TCTN1: variants seen among roughly 807,000 people sequenced by gnomAD.
TCTN1 encodes the protein tectonic family member 1.
Under a neutral mutation model 65.8 loss-of-function variants are expected in TCTN1, and 58 were observed. The ratio of observed to expected loss-of-function variants is 0.88; its 90% CI spans 0.71 to 1.10. The LOEUF is 1.10. Ranked by LOEUF, TCTN1 falls within the 50% of genes least tolerant of loss-of-function variation. The pLI is 0.00. For missense variants in TCTN1, 645 were observed against 719.4 expected (o/e 0.90, Z 1.18); for synonymous variants, 273 against 289.1 (o/e 0.94, Z 0.57).
intron 1 of TCTN1, chr12:110,616,260 T>A (rs1315486944): frequency 2.2e-5 from 10 of 452,146 alleles, no homozygotes; most frequent in Middle Eastern, 6.8e-4. Flanking sequence ...CTTTATTTTT[T>A]TTTTTTTTGG....
chr12:110,630,274 GTTTA>G (rs1186217919), intron 4 of TCTN1: 5 of 152,194 alleles, frequency 3.3e-5, no homozygotes, highest in Admixed American at 2.6e-4. Context: ...ATTTAAGGTT[GTTTA>G]TTCTGTGATA....
At chr12:110,620,251 CA>C (rs112490115) in intron 2 of TCTN1, among the ~76,000 whole-genome samples, 10 of 151,892 alleles carry the variant, frequency 6.6e-5, no homozygotes, top group African/African-American at 2.4e-4. Context: ...ACTAAAAATC[CA>C]AAAAAATTAG....
At chr12:110,636,418 A>C (rs1411947370) in intron 6 of TCTN1, 63 bp from the exon 7 acceptor site, 1 of 1,119,880 alleles carries the variant, frequency 8.9e-7, no homozygotes, top group South Asian at 1.2e-5. Context: ...GATCTGAAAA[A>C]GCAATGAAAA....
chr12:110,626,164 C>T (rs1020731201), intron 2 of TCTN1, among the ~76,000 whole-genome samples, 198 bp from the exon 3 acceptor site: 1 of 151,682 alleles, frequency 6.6e-6, no homozygotes, highest in Non-Finnish European at 1.5e-5. Context: ...TCTTGGCTCA[C>T]TGCCAGCTCT....
At chr12:110,642,632 G>T (rs958112918) in intron 11 of TCTN1, among the ~76,000 whole-genome samples, 3 of 152,112 alleles carry the variant, frequency 2.0e-5, no homozygotes, top group Admixed American at 1.3e-4. Context: ...ATGGGGTCTC[G>T]CTCTGTCTCC....
chr12:110,614,807 A>G (rs1359009427), intron 1 of TCTN1, among the ~76,000 whole-genome samples: 1 of 152,204 alleles, frequency 6.6e-6, no homozygotes, highest in Non-Finnish European at 1.5e-5. Flanking sequence ...AAATGTGACT[A>G]TGTTAAGACC....
intron 14 of TCTN1, among the ~76,000 whole-genome samples, chr12:110,648,422 A>C (rs1380601695): frequency 6.6e-6 from 1 of 152,198 alleles, no homozygotes. Context: ...GATAGAACCC[A>C]AAAAGTCTTT....
chr12:110,649,242 C>A lies in TCTN1; in HGVS notation c.*201C>A. On this transcript the variant is annotated 3_prime_UTR_variant, in exon 15 of 15. Transcript: ENST00000397659. ...AGTGGATGGGCAGCTCTTGGTGGTACTGGACCTTCCACAAGGCTGTGTCCA... is the reference window on the plus strand; with the variant it reads ...AGTGGATGGGCAGCTCTTGGTGGTAATGGACCTTCCACAAGGCTGTGTCCA... 1.5e-6 allele frequency: 1 copy of A among 676,406 alleles called. No individual in the cohort carries two copies. Among genetic ancestry groups the A allele is most frequent in the Admixed American group, 2.2e-5 (1 of 44,518 alleles). The allele number at this position is 676,406 out of a possible 1,614,324, so 41.9% of individuals were successfully genotyped here. A position where few individuals can be genotyped will look rare whatever the true frequency, so the allele number is the denominator to read the frequency against.
At chr12:110,623,680 C>T (rs2135946278) in intron 2 of TCTN1, among the ~76,000 whole-genome samples, 1 of 152,298 alleles carries the variant, frequency 6.6e-6, no homozygotes, top group Admixed American at 6.5e-5. Flanking sequence ...AACCTTGCTC[C>T]TGGGCTCAAG....
chr12:110,614,612 C>CA, intron 1 of TCTN1: 4 of 1,084,186 alleles, frequency 3.7e-6, no homozygotes, highest in Non-Finnish European at 5.4e-6. Context: ...AACCGGGTCT[C>CA]AGAGTTTAAG....
intron 12 of TCTN1, 168 bp downstream of exon 12, chr12:110,645,297 G>A: frequency 1.2e-6 from 1 of 817,720 alleles, no homozygotes. Context: ...TGTTGCCTCT[G>A]GCCAGCAGTT....
Position 110,619,833 on chromosome 12 carries a change from C to T in TCTN1, c.221-3C>T, listed in dbSNP as rs1211890209. ...CTGGATCCTACCCCTCTTTTTTCTG[C>T]AGTTGCTGTTCTCTGTGTCTGTGAC... On this transcript the variant is annotated splice_polypyrimidine_tract_variant and splice_region_variant and intron_variant, in intron 1 of 14. Transcript: ENST00000397659. The T allele has an allele frequency of 1.2e-6, 2 of 1,613,980 alleles. No homozygotes were observed. The highest frequency in any genetic ancestry group is 4.5e-5 in the East Asian group (2 of 44,904).
chr12:110,637,056 C>T (rs1357227510), intron 7 of TCTN1, among the ~76,000 whole-genome samples: 25 of 152,172 alleles, frequency 1.6e-4, no homozygotes, highest in East Asian at 1.9e-4. Context: ...GATCCCTCAC[C>T]CCTTATTCTA....
At chr12:110,643,706 C>G (rs976447633) in intron 11 of TCTN1, 1 of 151,998 alleles carries the variant, frequency 6.6e-6, no homozygotes, top group African/African-American at 2.4e-5. Flanking sequence ...ACAGGGTCTC[C>G]CCCTGTTGCC....
intron 3 of TCTN1, chr12:110,628,339 C>CA: frequency 4.9e-6 from 5 of 1,018,314 alleles, no homozygotes; most frequent in African/African-American, 1.7e-5. Context: ...TGGAAAAATA[C>CA]ACTTTTTTTT....
Position 110,640,280 on chromosome 12 carries a change from A to G in TCTN1, c.844-103A>G, listed in dbSNP as rs1278261681. On this transcript the variant is annotated intron_variant, in intron 7 of 14. Transcript: ENST00000397659. This position sits in a 1 kb window ranked among gnomAD's most constrained non-coding sequence, Gnocchi z 4.9. ...ACTGTTGTGTAGCATGCTTCCCCCT[A>G]CTTGGCCATATATCAGGGGAGGTTT... 1.5e-6 allele frequency: 2 copies of G among 1,359,930 alleles called. No homozygotes were observed. Among genetic ancestry groups the G allele is most frequent in the Non-Finnish European group, 2.1e-6 (2 of 956,662 alleles). The allele number at this position is 1,359,930 out of a possible 1,614,324, so 84.2% of individuals were successfully genotyped here.
At chr12:110,628,698 T>C in intron 3 of TCTN1, 69 bp from the exon 4 acceptor site, 1 of 1,379,336 alleles carries the variant, frequency 7.2e-7, no homozygotes, top group Non-Finnish European at 9.9e-7. Context: ...TCCAAAACCT[T>C]TATATAGGTC....
chr12:110,630,759 C>T (rs2066178700), intron 4 of TCTN1, among the ~76,000 whole-genome samples: 1 of 152,092 alleles, frequency 6.6e-6, no homozygotes, highest in Non-Finnish European at 1.5e-5. Flanking sequence ...ATTCCTTTTT[C>T]AGTGATAAAT....
rs373723058 is a variant in TCTN1, at chr12:110,647,789, C to T, written c.1676C>T (p.Ala559Val). Residue 559 changes from alanine to valine, a missense_variant, in exon 14 of 15, where the codon GCG becomes GTG. Coordinates refer to ENST00000397659, the MANE Select transcript of TCTN1 (RefSeq NM_001082538.3). ...GAAAGGACGATTCTTATTTCCACTG[C>T]GGTTACTTTTGTGGATGTGTCTGCA... ...GNERTILIST[A>V]VTFVDVSAPA... 431 of 1,614,032 alleles carry T rather than the reference C, an allele frequency of 2.7e-4. No homozygotes were observed. Among genetic ancestry groups the T allele is most frequent in the Non-Finnish European group, 3.4e-4 (404 of 1,180,048 alleles).
Sources: allele counts gnomAD v4.1 joint callset (sites outside exome capture counted in the v4.1 genomes callset), GRCh38; gene constraint gnomAD v4.1.1; non-coding constraint Gnocchi (gnomAD v3.1); transcripts MANE v1.5; gene names NCBI Gene and HGNC (gene_info 2026-07-23, HGNC 2026-07-21).